The following CIITA variants were observed in gnomAD, a reference collection of about 807,000 sequenced individuals.
CIITA encodes the protein MHC class II transactivator.
CIITA carries 72 observed loss-of-function variants against 115.1 expected under a neutral mutation model. The observed-to-expected ratio is 0.63, with a 90% CI of 0.52 to 0.76. The LOEUF (loss-of-function observed/expected upper bound fraction) is 0.76. CIITA is among the 30% of genes least tolerant of loss of function. CIITA has a pLI of 0.00. For synonymous variants in CIITA, 763 were observed against 635.6 expected (o/e 1.20, Z -3.02); for missense variants, 1,617 against 1,463.8 (o/e 1.10, Z -1.71).
chr16:10,899,835 T>C (rs546918537), intron 5 of CIITA, among the ~76,000 whole-genome samples: 1 of 152,238 alleles, frequency 6.6e-6, no homozygotes, highest in South Asian at 2.1e-4. Context: ...ATCCCAGCAG[T>C]TTGGGAGGCC....
In CIITA at chr16:10,907,406, G is replaced by A. The variant is rs765419901; in HGVS notation, c.1914G>A (p.Thr638=). 12 of 1,613,128 alleles carry A rather than the reference G, an allele frequency of 7.4e-6. No homozygotes were observed. Among genetic ancestry groups the A allele is most frequent in the South Asian group, 1.1e-5 (1 of 91,052 alleles). Reference sequence around the variant, plus strand: ...ACGCCAAGCTGCCCTCCACGCTCACGGGACTCTATGTCGGCCTGCTGGGCC... The same window carrying A: ...ACGCCAAGCTGCCCTCCACGCTCACAGGACTCTATGTCGGCCTGCTGGGCC... ...GEDAKLPSTL[T]GLYVGLLGRA... Residue 638 remains threonine, a synonymous_variant, in exon 11 of 20, where the codon ACG becomes ACA. Coordinates refer to ENST00000324288, the MANE Select transcript of CIITA (RefSeq NM_000246.4). The surrounding 1 kb of genome is among the most constrained non-coding windows in gnomAD (Gnocchi z 5.0).
At position 10,925,959 on chromosome 16, in the gene CIITA, G is replaced by C. The variant is rs2040515657; in HGVS notation, c.*2104G>C. On this transcript the variant is annotated 3_prime_UTR_variant, in exon 20 of 20. Coordinates refer to ENST00000324288, the MANE Select transcript of CIITA (RefSeq NM_000246.4). ...CACCTTGGCTGCAGGGAGTCCGAAAGGGACTTGGAAGCTCCGCTTTCTACC... is the reference window on the plus strand; with the variant it reads ...CACCTTGGCTGCAGGGAGTCCGAAACGGACTTGGAAGCTCCGCTTTCTACC... The C allele has an allele frequency of 6.6e-6, 1 of 152,242 alleles. No individual in the cohort carries two copies. The highest frequency in any genetic ancestry group is 1.5e-5 in the Non-Finnish European group (1 of 68,054). 9.4% of individuals were successfully genotyped at this position (152,242 alleles called of 1,614,324 possible).
chr16:10,881,230 G>T (rs543554631), intron 1 of CIITA, among the ~76,000 whole-genome samples: 36 of 152,188 alleles, frequency 2.4e-4, no homozygotes, highest in African/African-American at 8.7e-4. Context: ...CCGAGAGGTG[G>T]AGGTTACCCG....
At position 10,932,168 on chromosome 16, in the gene CIITA, G is replaced by T. The variant is rs920035890; in HGVS notation, c.*8313G>T. On this transcript the variant is annotated 3_prime_UTR_variant, in exon 20 of 20. Coordinates refer to ENST00000324288, the MANE Select transcript of CIITA (RefSeq NM_000246.4). ...ATGTGTAGGGCGGGAGGATGTTCTG[G>T]GACACAGTTCAATTCTCATTTGTCA... 2 of 152,182 alleles carry T rather than the reference G, an allele frequency of 1.3e-5. No homozygotes were observed. The highest frequency in any genetic ancestry group is 2.9e-5 in the Non-Finnish European group (2 of 68,052). The allele number at this position is 152,182 out of a possible 1,614,324, so 9.4% of individuals were successfully genotyped here.
At chr16:10,877,433 C>G in intron 1 of CIITA, 51 bp downstream of exon 1, 1 of 1,562,378 alleles carries the variant, frequency 6.4e-7, no homozygotes, top group Non-Finnish European at 8.7e-7. Context: ...TCAGCTGGTC[C>G]TGCCATTCCA....
At chr16:10,891,897 C>T (rs1257352795) in intron 1 of CIITA, among the ~76,000 whole-genome samples, 1 of 152,188 alleles carries the variant, frequency 6.6e-6, no homozygotes, top group Non-Finnish European at 1.5e-5. Context: ...TCCTGCAGCC[C>T]CCGCTCAACC....
At chr16:10,887,141 GGGGTCT>G (rs1377929286) in intron 1 of CIITA, among the ~76,000 whole-genome samples, 4 of 152,158 alleles carry the variant, frequency 2.6e-5, no homozygotes, top group Non-Finnish European at 5.9e-5. Context: ...GAAGCTGTTT[GGGGTCT>G]GGTCATGGTA....
Position 10,923,334 on chromosome 16 carries a change from G to A in CIITA, c.*22+9G>A, listed in dbSNP as rs772307693. The A allele has an allele frequency of 1.3e-6, 2 of 1,560,474 alleles. No individual in the cohort carries two copies. Among genetic ancestry groups the A allele is most frequent in the Non-Finnish European group, 1.8e-6 (2 of 1,132,568 alleles). On this transcript the variant is annotated intron_variant, in intron 19 of 19. Transcript: ENST00000324288. The surrounding 1 kb of genome is among the most constrained non-coding windows in gnomAD (Gnocchi z 5.2). ...GCTGTGCTCTGGACAGGGTAACCAG[G>A]GTGGGCTTGGGAGGGGAGAGCCGCA...
At chr16:10,919,340 G>A (rs1423526516) in intron 16 of CIITA, among the ~76,000 whole-genome samples, 7 of 151,950 alleles carry the variant, frequency 4.6e-5, no homozygotes, top group Admixed American at 3.3e-4. Flanking sequence ...GGGATTATAG[G>A]CGCCCACCAC....
chr16:10,923,346 A>G lies in CIITA; in HGVS notation c.*22+21A>G. The stretch of plus-strand genomic sequence containing the variant: ...ACAGGGTAACCAGGGTGGGCTTGGG[A>G]GGGGAGAGCCGCAGTGGGTTGGGGG... On this transcript the variant is annotated intron_variant, in intron 19 of 19. Coordinates refer to ENST00000324288, the MANE Select transcript of CIITA (RefSeq NM_000246.4). The surrounding 1 kb of genome is among the most constrained non-coding windows in gnomAD (Gnocchi z 5.2). The G allele has an allele frequency of 9.7e-5, 69 of 708,206 alleles. No homozygotes were observed. Among genetic ancestry groups the G allele is most frequent in the Non-Finnish European group, 1.4e-4 (57 of 396,574 alleles). The allele number at this position is 708,206 out of a possible 1,614,324, so 43.9% of individuals were successfully genotyped here. A position where few individuals can be genotyped will look rare whatever the true frequency, so the allele number is the denominator to read the frequency against.
chr16:10,897,472 G>T (rs2038249168), intron 3 of CIITA, among the ~76,000 whole-genome samples: 1 of 152,188 alleles, frequency 6.6e-6, no homozygotes, highest in African/African-American at 2.4e-5. Flanking sequence ...CCACATAGGG[G>T]ATTACATTTA....
At chr16:10,908,255 C>T (rs1286323094) in intron 11 of CIITA, 106 bp downstream of exon 11, 1 of 1,311,522 alleles carries the variant, frequency 7.6e-7, no homozygotes. Flanking sequence ...TGCAGAGCAG[C>T]CGGGTGGGGC....
intron 16 of CIITA, among the ~76,000 whole-genome samples, chr16:10,921,377 T>A (rs1029320493): frequency 6.6e-6 from 1 of 152,216 alleles, no homozygotes; most frequent in Admixed American, 6.5e-5. Context: ...GCTGGTCCAG[T>A]GACTGGCTTT....
intron 1 of CIITA, chr16:10,888,631 C>G (rs370969707): frequency 6.6e-6 from 1 of 152,164 alleles, no homozygotes; most frequent in African/African-American, 2.4e-5. Context: ...CTTTTGATGG[C>G]AAAAAGATCA....
intron 9 of CIITA, among the ~76,000 whole-genome samples, chr16:10,904,419 C>T (rs1052172984): frequency 1.3e-5 from 2 of 152,068 alleles, no homozygotes; most frequent in Non-Finnish European, 2.9e-5. Context: ...ACAAGTTTAA[C>T]CATGTTGGCC....
chr16:10,915,783 G>C, intron 14 of CIITA, 133 bp downstream of exon 14: 1 of 822,636 alleles, frequency 1.2e-6, no homozygotes, highest in Non-Finnish European at 2.0e-6. Flanking sequence ...GGGACCACAG[G>C]TGCATGCTAC....
At position 10,879,965 on chromosome 16, in the gene CIITA, T is replaced by C. The variant is rs1008186779; in HGVS notation, c.52+2583T>C. Among the ~76,000 whole-genome samples, 1 of 152,116 alleles carries C rather than the reference T, an allele frequency of 6.6e-6. No individual in the cohort carries two copies. The highest frequency in any genetic ancestry group is 1.5e-5 in the Non-Finnish European group (1 of 67,966). ...CTCCCTCCCCAGCCGCAGCCTGGAG[T>C]GTCTAACTTTGGCAGGAAGTCTTCC... On this transcript the variant is annotated intron_variant, in intron 1 of 19. Transcript: ENST00000324288. This position sits in a 1 kb window ranked among gnomAD's most constrained non-coding sequence, Gnocchi z 4.3.
chr16:10,903,928 G>A, intron 9 of CIITA, 33 bp downstream of exon 9: 2 of 1,614,008 alleles, frequency 1.2e-6, no homozygotes, highest in Non-Finnish European at 1.7e-6. Flanking sequence ...AGAGGTACTA[G>A]AAGCAGGATC....
At chr16:10,906,420 G>A in intron 10 of CIITA, 79 bp from the exon 11 acceptor site, 1 of 1,440,510 alleles carries the variant, frequency 6.9e-7, no homozygotes, top group Non-Finnish European at 9.7e-7. Flanking sequence ...AATGATGGTG[G>A]CAGTGCTGGC....
Sources: allele counts gnomAD v4.1 joint callset (sites outside exome capture counted in the v4.1 genomes callset), GRCh38; gene constraint gnomAD v4.1.1; non-coding constraint Gnocchi (gnomAD v3.1); transcripts MANE v1.5; gene names NCBI Gene and HGNC (gene_info 2026-07-23, HGNC 2026-07-21).